The following VAV3 variants were observed in gnomAD, a reference collection of about 807,000 sequenced individuals.
The protein encoded by VAV3 is vav guanine nucleotide exchange factor 3.
VAV3 carries 94 observed loss-of-function variants against 131.2 expected under a neutral mutation model. The ratio of observed to expected loss-of-function variants is 0.72; its 90% confidence interval spans 0.61 to 0.85. The LOEUF (loss-of-function observed/expected upper bound fraction) is 0.85, where lower values mean the gene tolerates loss of function less well. Ranked by LOEUF, VAV3 falls within the 40% of genes least tolerant of loss-of-function variation. The probability of loss-of-function intolerance (pLI) is 0.00; values close to 1 mark genes in which losing one functional copy is unlikely to be tolerated. For missense variants in VAV3, 939 were observed against 1,002.7 expected (o/e 0.94, Z 0.86); for synonymous variants, 349 against 342.0 (o/e 1.02, Z -0.22).
intron 25 of VAV3, among the ~76,000 whole-genome samples, chr1:107,589,141 T>C (rs1443894130): frequency 6.6e-6 from 1 of 152,112 alleles, no homozygotes; most frequent in Non-Finnish European, 1.5e-5. Flanking sequence ...GGATGGAAAA[T>C]TTTAGAGAAA....
chr1:107,763,326 T>TC (rs1664545934), intron 9 of VAV3, among the ~76,000 whole-genome samples: 1 of 152,040 alleles, frequency 6.6e-6, no homozygotes, highest in Admixed American at 6.6e-5. Context: ...ATACTTAGAG[T>TC]CCCAGAGTAT....
At chr1:107,608,327 C>A (rs1370816766) in intron 22 of VAV3, among the ~76,000 whole-genome samples, 2 of 152,104 alleles carry the variant, frequency 1.3e-5, no homozygotes, top group Non-Finnish European at 2.9e-5. Context: ...AAATCATTAC[C>A]TTTGTAACTA....
intron 2 of VAV3, among the ~76,000 whole-genome samples, chr1:107,818,895 A>T (rs1301848804): frequency 6.6e-6 from 1 of 152,130 alleles, no homozygotes; most frequent in Non-Finnish European, 1.5e-5. Flanking sequence ...GCCTCACTCA[A>T]TTGCCTGACT....
intron 1 of VAV3, among the ~76,000 whole-genome samples, chr1:107,876,487 G>T (rs1377309129): frequency 6.6e-6 from 1 of 152,132 alleles, no homozygotes; most frequent in Non-Finnish European, 1.5e-5. Context: ...AGAGGGGAAA[G>T]CTGGTAACAA....
chr1:107,860,504 T>C (rs1156914575), intron 2 of VAV3, among the ~76,000 whole-genome samples: 1 of 151,510 alleles, frequency 6.6e-6, no homozygotes, highest in Non-Finnish European at 1.5e-5. Flanking sequence ...TGGGTTTCTT[T>C]TTTACTTGAC....
intron 2 of VAV3, among the ~76,000 whole-genome samples, chr1:107,863,547 C>A (rs1571060881): frequency 6.6e-6 from 1 of 152,226 alleles, no homozygotes; most frequent in Non-Finnish European, 1.5e-5. Context: ...TGCTGGACCT[C>A]AAGATCCAGC....
intron 19 of VAV3, among the ~76,000 whole-genome samples, chr1:107,650,560 TTTATTA>T (rs565363780): frequency 1.0e-4 from 15 of 149,858 alleles, no homozygotes; most frequent in Non-Finnish European, 1.9e-4. Context: ...TATTTATTTA[TTTATTA>T]TTATTATTAT....
intron 1 of VAV3, among the ~76,000 whole-genome samples, chr1:107,927,305 ACAC>A (rs1401276396): frequency 6.6e-6 from 1 of 152,184 alleles, no homozygotes; most frequent in Non-Finnish European, 1.5e-5. Flanking sequence ...CCCAGGTAGT[ACAC>A]CATGGGCCTC....
chr1:107,941,698 C>T (rs1409505643), intron 1 of VAV3, among the ~76,000 whole-genome samples: 1 of 152,184 alleles, frequency 6.6e-6, no homozygotes, highest in Admixed American at 6.5e-5. Flanking sequence ...GAGGCTCCTC[C>T]CATCTTCCTG....
At position 107,574,299 on chromosome 1, in the gene VAV3, G is replaced by C. The variant is rs539884193; in HGVS notation, c.2351-101C>G. 1.9e-5 allele frequency: 27 copies of C among 1,422,892 alleles called. No homozygotes were observed. In the African/African-American group the frequency reaches 3.5e-4, roughly 18 times the overall value. 88.1% of individuals were successfully genotyped at this position (1,422,892 alleles called of 1,614,324 possible). On this transcript the variant is annotated intron_variant, in intron 25 of 26. Transcript: ENST00000370056. ...TATTGATGCTATCAAATGCACAGTCGTGATTTCATTACAGACCAGCGATAA... is the reference window on the plus strand; with the variant it reads ...TATTGATGCTATCAAATGCACAGTCCTGATTTCATTACAGACCAGCGATAA...
intron 2 of VAV3, among the ~76,000 whole-genome samples, chr1:107,797,531 G>A (rs1331233770): frequency 6.6e-6 from 1 of 152,128 alleles, no homozygotes; most frequent in Non-Finnish European, 1.5e-5. Context: ...AAGCATAAGA[G>A]TCAAGTCCAG....
chr1:107,819,950 G>A lies in VAV3; in HGVS notation c.322-40458C>T, dbSNP rs138565406. Among the ~76,000 whole-genome samples, 446 of 152,196 alleles carry A rather than the reference G, an allele frequency of 2.9e-3. 2 individuals are homozygous for A. Among genetic ancestry groups the A allele is most frequent in the Non-Finnish European group, 5.2e-3 (352 of 68,002 alleles). On this transcript the variant is annotated intron_variant, in intron 2 of 26. Coordinates refer to ENST00000370056, the MANE Select transcript of VAV3 (RefSeq NM_006113.5). Reference sequence around the variant, plus strand: ...TTAAAATGGCTTTTATCCAAAGACAGGCAGTAACAAATGCTGACGAGGATA... The same window carrying A: ...TTAAAATGGCTTTTATCCAAAGACAAGCAGTAACAAATGCTGACGAGGATA...
chr1:107,643,278 T>C (rs1410237176), intron 19 of VAV3, among the ~76,000 whole-genome samples: 2 of 152,136 alleles, frequency 1.3e-5, no homozygotes, highest in East Asian at 3.9e-4. Flanking sequence ...AAGACATTCA[T>C]ATGGAGAAAC....
chr1:107,597,242 GA>G (rs1281588398), intron 24 of VAV3, among the ~76,000 whole-genome samples: 11 of 143,978 alleles, frequency 7.6e-5, no homozygotes, highest in South Asian at 4.4e-4. Context: ...AAAAAAAACA[GA>G]AAAAAAAACC....
intron 2 of VAV3, among the ~76,000 whole-genome samples, chr1:107,801,862 C>T (rs965995209): frequency 6.6e-6 from 1 of 152,090 alleles, no homozygotes; most frequent in African/African-American, 2.4e-5. Flanking sequence ...AATATTAATT[C>T]TTTCAATCCA....
intron 2 of VAV3, among the ~76,000 whole-genome samples, chr1:107,822,667 AATAAAT>A (rs1557867296): frequency 2.2e-4 from 25 of 115,690 alleles, no homozygotes; most frequent in Middle Eastern, 3.7e-3. Flanking sequence ...AAAATAAATA[AATAAAT>A]AAATAAATAA....
chr1:107,707,551 TAA>T (rs998693047), intron 15 of VAV3, among the ~76,000 whole-genome samples: 5 of 152,222 alleles, frequency 3.3e-5, no homozygotes, highest in Non-Finnish European at 7.3e-5. Context: ...TTGTGACTGG[TAA>T]AGAGTCCCTT....
At chr1:107,737,563 T>C (rs1456468038) in intron 15 of VAV3, among the ~76,000 whole-genome samples, 2 of 152,196 alleles carry the variant, frequency 1.3e-5, no homozygotes, top group African/African-American at 4.8e-5. Context: ...CAGACACTTC[T>C]CAAAAGAAGA....
At chr1:107,931,904 G>C (rs1387179286) in intron 1 of VAV3, among the ~76,000 whole-genome samples, 1 of 152,130 alleles carries the variant, frequency 6.6e-6, no homozygotes, top group Non-Finnish European at 1.5e-5. Flanking sequence ...CATTAAGCAT[G>C]GTCCTTATGA....
Sources: gnomAD v4.1 joint callset for allele counts (sites outside exome capture counted in the v4.1 genomes callset) on GRCh38, gnomAD v4.1.1 for gene constraint, MANE v1.5 for transcripts, NCBI Gene and HGNC (gene_info 2026-07-23, HGNC 2026-07-21) for gene names.